CCDC7: variants seen among roughly 807,000 people sequenced by gnomAD.
The protein encoded by CCDC7 is coiled-coil domain containing 7, also known as coiled-coil domain-containing protein 7.
Under a neutral mutation model 196.9 loss-of-function variants are expected in CCDC7, and 183 were observed. The ratio of observed to expected loss-of-function variants is 0.93; its 90% confidence interval spans 0.82 to 1.05. CCDC7 has a LOEUF of 1.05. CCDC7 is among the 50% of genes least tolerant of loss of function. The probability of loss-of-function intolerance (pLI) is 0.00; values close to 1 mark genes in which losing one functional copy is unlikely to be tolerated. For synonymous variants in CCDC7, 525 were observed against 484.6 expected (o/e 1.08, Z -1.10); for missense variants, 1,540 against 1,482.2 (o/e 1.04, Z -0.64).
In CCDC7 at chr10:32,461,802, G is replaced by A. The variant is rs1376479991; in HGVS notation, c.457-881G>A. Among the ~76,000 whole-genome samples the A allele has an allele frequency of 1.0e-4, 14 of 133,444 alleles. No individual in the cohort carries two copies. The East Asian group carries it at 3.0e-3, about 29-fold the overall frequency. 87.5% of individuals were successfully genotyped at this position (133,444 alleles called of 152,430 possible). ...ATTTTTTTTTTTAAGATGGAGTTTC[G>A]CTCTTGTTGCCCAGGCTGGAGTGCA... On this transcript the variant is annotated intron_variant, in intron 3 of 41. Transcript: ENST00000639629.
intron 25 of CCDC7, among the ~76,000 whole-genome samples, chr10:32,718,135 T>TA (rs2081900685): frequency 6.6e-6 from 1 of 152,066 alleles, no homozygotes; most frequent in Non-Finnish European, 1.5e-5. Context: ...AAATTTTAAA[T>TA]AAAATACTGG....
intron 25 of CCDC7, among the ~76,000 whole-genome samples, chr10:32,712,499 G>A (rs1432993892): frequency 6.6e-6 from 1 of 152,184 alleles, no homozygotes; most frequent in African/African-American, 2.4e-5. Context: ...CTTTTGGGTA[G>A]TGTCCTTGTC....
intron 33 of CCDC7, among the ~76,000 whole-genome samples, chr10:32,839,263 G>T (rs11009110): frequency 0.34 from 51,782 of 151,514 alleles, 11,267 homozygotes; most frequent in Non-Finnish European, 0.49. Context: ...CTGTCTTCAG[G>T]AGACTCAGCA....
At chr10:32,689,578 G>A (rs945984876) in intron 23 of CCDC7, among the ~76,000 whole-genome samples, 1 of 152,012 alleles carries the variant, frequency 6.6e-6, no homozygotes, top group Admixed American at 6.5e-5. Flanking sequence ...AGGTAACCTA[G>A]GACACCTGTT....
intron 21 of CCDC7, among the ~76,000 whole-genome samples, chr10:32,683,147 A>G (rs1447158626): frequency 6.6e-6 from 1 of 152,110 alleles, no homozygotes; most frequent in Non-Finnish European, 1.5e-5. Context: ...TAAGTCTTTA[A>G]TTCATCTTGA....
At chr10:32,774,377 T>C (rs1295109091) in intron 28 of CCDC7, among the ~76,000 whole-genome samples, 6 of 152,090 alleles carry the variant, frequency 3.9e-5, no homozygotes, top group Non-Finnish European at 7.4e-5. Context: ...TGGAGTGAGC[T>C]TCCTGTGAAG....
intron 11 of CCDC7, among the ~76,000 whole-genome samples, chr10:32,531,868 T>G (rs1488693842): frequency 6.6e-6 from 1 of 152,198 alleles, no homozygotes; most frequent in African/African-American, 2.4e-5. Context: ...TAGTAATTCT[T>G]TGTATTCTGA....
intron 18 of CCDC7, among the ~76,000 whole-genome samples, chr10:32,585,183 C>T (rs892765320): frequency 1.3e-5 from 2 of 151,936 alleles, no homozygotes; most frequent in African/African-American, 4.8e-5. Flanking sequence ...ACGCCATTCT[C>T]CTGCCTCAGC....
At chr10:32,666,172 C>T (rs1348798753) in intron 21 of CCDC7, among the ~76,000 whole-genome samples, 1 of 142,100 alleles carries the variant, frequency 7.0e-6, no homozygotes, top group Non-Finnish European at 1.5e-5. Flanking sequence ...TTATTTAGTC[C>T]TTGTGGTAGT....
At chr10:32,784,089 T>A (rs541570475) in intron 29 of CCDC7, among the ~76,000 whole-genome samples, 16 of 152,316 alleles carry the variant, frequency 1.1e-4, no homozygotes, top group African/African-American at 3.4e-4. Context: ...ACAAAGTGAT[T>A]GTGGTTAATA....
intron 41 of CCDC7, among the ~76,000 whole-genome samples, chr10:32,869,004 T>C (rs2094321327): frequency 6.6e-6 from 1 of 152,192 alleles, no homozygotes; most frequent in Non-Finnish European, 1.5e-5. Context: ...GTCTTTGCTA[T>C]TGTGAATAGT....
intron 23 of CCDC7, among the ~76,000 whole-genome samples, chr10:32,690,934 G>A (rs1447229332): frequency 6.6e-6 from 1 of 152,136 alleles, no homozygotes; most frequent in East Asian, 1.9e-4. Context: ...TCATTTTGGT[G>A]GTGTCCTCAG....
intron 26 of CCDC7, among the ~76,000 whole-genome samples, chr10:32,727,480 CA>C (rs2083294833): frequency 6.6e-6 from 1 of 152,084 alleles, no homozygotes; most frequent in African/African-American, 2.4e-5. Flanking sequence ...ACATCATCTC[CA>C]AATTCACAGG....
intron 21 of CCDC7, among the ~76,000 whole-genome samples, chr10:32,666,979 T>A (rs1441763763): frequency 6.6e-6 from 1 of 152,186 alleles, no homozygotes; most frequent in East Asian, 1.9e-4. Context: ...TGAACTAGTT[T>A]ACAGTCCCAC....
chr10:32,492,585 C>CA (rs1287116704), intron 9 of CCDC7, among the ~76,000 whole-genome samples: 37 of 151,764 alleles, frequency 2.4e-4, no homozygotes, highest in Non-Finnish European at 4.4e-4. Flanking sequence ...AAGCCAGCCA[C>CA]AAAAAAGACA....
chr10:32,771,058 C>A (rs1159377242), intron 28 of CCDC7, among the ~76,000 whole-genome samples: 2 of 152,068 alleles, frequency 1.3e-5, no homozygotes, highest in Non-Finnish European at 2.9e-5. Flanking sequence ...TTAAGTGGAT[C>A]ATTTAGGCCA....
intron 9 of CCDC7, among the ~76,000 whole-genome samples, chr10:32,503,547 G>A (rs1390967057): frequency 1.3e-5 from 2 of 152,136 alleles, no homozygotes; most frequent in Non-Finnish European, 2.9e-5. Context: ...GTATTGTGTT[G>A]AAGATTTTTA....
At chr10:32,802,929 A>G (rs553735610) in intron 29 of CCDC7, among the ~76,000 whole-genome samples, 2 of 152,282 alleles carry the variant, frequency 1.3e-5, no homozygotes, top group East Asian at 1.9e-4. Context: ...ACCCAGATTG[A>G]GAGTGGATCT....
At chr10:32,683,980 T>G (rs117466641) in intron 21 of CCDC7, among the ~76,000 whole-genome samples, 6,303 of 152,144 alleles carry the variant, frequency 0.041, 132 homozygotes, top group Middle Eastern at 0.065. Flanking sequence ...CTCAGGGCAA[T>G]GGGGACTGGG....
Sources: allele counts gnomAD v4.1 joint callset (sites outside exome capture counted in the v4.1 genomes callset), GRCh38; gene constraint gnomAD v4.1.1; transcripts MANE v1.5; gene names NCBI Gene and HGNC (gene_info 2026-07-23, HGNC 2026-07-21).